Variants in DIAPH1 observed in about 807,000 individuals in gnomAD.
The protein encoded by DIAPH1 is diaphanous related formin 1, also known as protein diaphanous homolog 1.
In DIAPH1, 46 loss-of-function variants were observed where a neutral mutation model predicts 140.7. The ratio of observed to expected loss-of-function variants is 0.33; its 90% CI spans 0.26 to 0.42. DIAPH1 has a LOEUF of 0.42. DIAPH1 is among the 10% of genes least tolerant of loss of function. The pLI is 1.00. For missense variants in DIAPH1, 1,310 were observed against 1,558.7 expected (o/e 0.84, Z 2.69); for synonymous variants, 565 against 551.6 (o/e 1.02, Z -0.34).
intron 24 of DIAPH1, among the ~76,000 whole-genome samples, chr5:141,526,704 G>GTGT (rs1554200989): frequency 6.6e-6 from 1 of 151,984 alleles, no homozygotes; most frequent in African/African-American, 2.4e-5. Context: ...GTTTGTTTGT[G>GTGT]TTTGTTTGTT....
At chr5:141,534,631 A>C in intron 18 of DIAPH1, 198 bp from the exon 19 acceptor site, 10 of 599,912 alleles carry the variant, frequency 1.7e-5, no homozygotes, top group Admixed American at 3.0e-5. Context: ...TAAATATCTC[A>C]TTTTCATTTC....
intron 1 of DIAPH1, among the ~76,000 whole-genome samples, chr5:141,607,578 A>T (rs191967528): frequency 1.6e-4 from 24 of 152,362 alleles, no homozygotes; most frequent in Admixed American, 1.5e-3. Context: ...CAAAATGTTA[A>T]ATTTCAATCC....
At chr5:141,566,716 G>A (rs2099894425) in intron 18 of DIAPH1, among the ~76,000 whole-genome samples, 1 of 152,082 alleles carries the variant, frequency 6.6e-6, no homozygotes, top group Non-Finnish European at 1.5e-5. Context: ...CCAACATGGT[G>A]AAACCCTGTC....
Position 141,574,079 on chromosome 5 carries a change from C to G in DIAPH1, c.1771G>C (p.Asp591His), listed in dbSNP as rs1465790720. ...GGTGGTGGAATAATAGTGCCAGAGT[C>G]ACCAGGTAAAGGAGGGGCAGGGGGA... is the stretch of plus-strand genomic sequence containing the variant. ...PVPPAPPLPG[D>H]SGTIIPPPPA... Residue 591 changes from aspartate to histidine, a missense_variant, in exon 16 of 28, where the codon GAC (aspartate) becomes CAC (histidine). Asp to His is a moderately conservative substitution (Grantham distance 81). Transcript: ENST00000389054. 1 of 1,612,144 alleles carries G rather than the reference C, an allele frequency of 6.2e-7. No individual in the cohort carries two copies. Among genetic ancestry groups the G allele is most frequent in the South Asian group, 1.1e-5 (1 of 90,756 alleles).
At position 141,573,581 on chromosome 5, in the gene DIAPH1, C is replaced by T. The variant is rs1332864175; in HGVS notation, c.2269G>A (p.Val757Ile). The part of the protein sequence containing the change: ...MPPPPPFGFG[V>I]PAAPVLPFGL... ...AATGGCAGAACTGGGGCTGCAGGAACTCCAAATCCAAATGGGGGAGGTGGA... is the reference window on the plus strand; with the variant it reads ...AATGGCAGAACTGGGGCTGCAGGAATTCCAAATCCAAATGGGGGAGGTGGA... Residue 757 changes from valine (V) to isoleucine (I), a missense_variant, in exon 16 of 28, where the codon GTT becomes ATT. Transcript: ENST00000389054. The T allele has an allele frequency of 6.2e-7, 1 of 1,613,888 alleles. No homozygotes were observed. Among genetic ancestry groups the T allele is most frequent in the East Asian group, 2.2e-5 (1 of 44,866 alleles).
chr5:141,560,850 C>T (rs201501612), intron 18 of DIAPH1: 3 of 455,796 alleles, frequency 6.6e-6, no homozygotes, highest in Non-Finnish European at 1.3e-5. Context: ...CCTGAGCCTG[C>T]AGAGACAGCT....
In DIAPH1 at chr5:141,528,514, A is replaced by G. The variant is rs2099887725; in HGVS notation, c.3087T>C (p.Asn1029=). 6.2e-7 allele frequency: 1 copy of G among 1,614,122 alleles called. No homozygotes were observed. The highest frequency in any genetic ancestry group is 1.3e-5 in the African/African-American group (1 of 74,936). The change falls in exon 23 of 28, where the codon AAT becomes AAC. Residue 1029 remains asparagine, a synonymous_variant. Transcript: ENST00000389054. ...LLHFLAELCE[N]DYPDVLKFPD... The stretch of plus-strand genomic sequence containing the variant: ...GAAACTTGAGGACATCGGGATAGTC[A>G]TTCTCACACAACTCAGCCAAGAAGT...
Position 141,518,842 on chromosome 5 carries a change from GTCT to G in DIAPH1, c.3662-1837_3662-1835del, listed in dbSNP as rs1596332043. On this transcript the variant is annotated intron_variant, in intron 27 of 27. Transcript: ENST00000389054. Reference sequence around the variant, plus strand: ...CTGCCAAAGCCCAAGTCTTAACCAGGTCTTCTCTCCCTGCAGAGCCATGACCCA... The same window carrying G: ...CTGCCAAAGCCCAAGTCTTAACCAGGTCTCTCCCTGCAGAGCCATGACCCA... 8.6e-6 allele frequency: 10 copies of G among 1,160,510 alleles called. No homozygotes were observed. In the East Asian group the frequency reaches 2.6e-4, roughly 30 times the overall value. 71.9% of individuals were successfully genotyped at this position (1,160,510 alleles called of 1,614,324 possible). A position where few individuals can be genotyped will look rare whatever the true frequency, so the allele number is the denominator to read the frequency against.
chr5:141,518,612 T>A, intron 27 of DIAPH1: 1 of 255,880 alleles, frequency 3.9e-6, no homozygotes, highest in Non-Finnish European at 7.8e-6. Flanking sequence ...AGCCTCAACC[T>A]CCCAGGCTCA....
At chr5:141,558,827 G>A (rs1353507065) in intron 18 of DIAPH1, among the ~76,000 whole-genome samples, 1 of 151,766 alleles carries the variant, frequency 6.6e-6, no homozygotes, top group East Asian at 1.9e-4. Flanking sequence ...ACTTAAATGA[G>A]GCTGCACAAA....
At position 141,618,840 on chromosome 5, in the gene DIAPH1, C is replaced by T. The variant is rs760026257; in HGVS notation, c.75G>A (p.Glu25=). 1.0e-5 allele frequency: 16 copies of T among 1,545,584 alleles called. No homozygotes were observed. The highest frequency in any genetic ancestry group is 1.3e-5 in the Non-Finnish European group (15 of 1,145,178). Residue 25 remains glutamate, a synonymous_variant, in exon 1 of 28, where the codon GAG becomes GAA. Coordinates refer to ENST00000389054, the MANE Select transcript of DIAPH1 (RefSeq NM_005219.5). ...RDKKKGRSPD[E]LPSAGGDGGK... ...CGCCGTCGCCGCCCGCCGAGGGCAG[C>T]TCATCTGGGCTCCGGCCCTTCTTCT...
At chr5:141,584,251 A>AAACAAAATTGCCTCAAATTCTT (rs759335808) in intron 3 of DIAPH1, 26 bp from the exon 4 acceptor site, 1 of 1,390,002 alleles carries the variant, frequency 7.2e-7, no homozygotes, top group East Asian at 2.3e-5. Context: ...AAAAGAGAAA[A>AAACAAAATTGCCTCAAATTCTT]AACAAAATTG....
At chr5:141,527,133 G>C (rs139760400) in intron 24 of DIAPH1, among the ~76,000 whole-genome samples, 2 of 152,244 alleles carry the variant, frequency 1.3e-5, no homozygotes, top group South Asian at 2.1e-4. Flanking sequence ...ACAGGCAGGG[G>C]AGTTGGTGGG....
intron 18 of DIAPH1, among the ~76,000 whole-genome samples, chr5:141,541,508 T>C (rs767765326): frequency 1.3e-5 from 2 of 151,646 alleles, no homozygotes; most frequent in African/African-American, 4.8e-5. Flanking sequence ...GCCAACATGG[T>C]GAAAGCCTGT....
At chr5:141,519,775 T>C (rs1437686913) in intron 27 of DIAPH1, among the ~76,000 whole-genome samples, 1 of 152,152 alleles carries the variant, frequency 6.6e-6, no homozygotes, top group Admixed American at 6.5e-5. Flanking sequence ...CTCCCAGCTT[T>C]CCACTCACTC....
At chr5:141,578,202 G>GA (rs759529827) in intron 11 of DIAPH1, 23 bp downstream of exon 11, 12 of 1,552,144 alleles carry the variant, frequency 7.7e-6, no homozygotes, top group Non-Finnish European at 1.1e-5. Context: ...CATCTGCCTT[G>GA]AACCTAGTCA....
chr5:141,534,482 G>A, intron 18 of DIAPH1, 49 bp from the exon 19 acceptor site: 1 of 1,487,528 alleles, frequency 6.7e-7, no homozygotes, highest in Non-Finnish European at 9.4e-7. Context: ...AGCCACCTCT[G>A]TGCTTTACCA....
At chr5:141,517,542 C>T (rs1049170791) in intron 27 of DIAPH1, among the ~76,000 whole-genome samples, 1 of 152,182 alleles carries the variant, frequency 6.6e-6, no homozygotes, top group Non-Finnish European at 1.5e-5. Context: ...CACGCACTGA[C>T]ACCGCACTCC....
intron 1 of DIAPH1, among the ~76,000 whole-genome samples, chr5:141,610,298 AT>A (rs984185579): frequency 3.3e-5 from 5 of 151,048 alleles, no homozygotes; most frequent in African/African-American, 9.8e-5. Flanking sequence ...CACCCGGCTA[AT>A]TTTTTTGTTT....
Sources: gnomAD v4.1 joint callset for allele counts (sites outside exome capture counted in the v4.1 genomes callset) on GRCh38, gnomAD v4.1.1 for gene constraint, MANE v1.5 for transcripts, NCBI Gene and HGNC (gene_info 2026-07-23, HGNC 2026-07-21) for gene names.